The following TMED3 variants were observed in gnomAD, a reference collection of about 807,000 sequenced individuals.
TMED3 encodes transmembrane p24 trafficking protein 3.
A neutral mutation model predicts 15.0 loss-of-function variants in TMED3; 9 were observed. That is an observed-to-expected ratio of 0.60 (90% CI 0.36 to 1.04). The LOEUF (loss-of-function observed/expected upper bound fraction) is 1.04, where lower values mean the gene tolerates loss of function less well. Ranked by LOEUF, TMED3 falls within the 50% of genes least tolerant of loss-of-function variation. The probability of loss-of-function intolerance (pLI) is 0.01; values close to 1 mark genes in which losing one functional copy is unlikely to be tolerated. For missense variants in TMED3, 267 were observed against 278.9 expected (o/e 0.96, Z 0.30); for synonymous variants, 117 against 121.4 (o/e 0.96, Z 0.24).
chr15:79,353,185 A>T lies in TMED3; in HGVS notation c.417+39180A>T, dbSNP rs1173915589. On this transcript the variant is annotated intron_variant, in intron 2 of 2. Coordinates refer to the TMED3 transcript ENST00000424155. ...TAAATATATATACATAATATATAAA[A>T]TATATATAATATATAAAATATATAT... 7.5e-5 allele frequency among the ~76,000 whole-genome samples: 5 copies of T among 66,646 alleles called. No homozygotes were observed. In the Admixed American group the frequency reaches 1.1e-3, roughly 14 times the overall value. The allele number at this position is 66,646 out of a possible 152,430, so 43.7% of individuals were successfully genotyped here.
Position 79,311,288 on chromosome 15 carries a change from T to TCTGCTG in TMED3, c.45_50dup (p.Leu17_Leu18dup). On this transcript the variant is annotated inframe_insertion, in exon 1 of 3. Transcript: ENST00000299705. ...TCCCGCGCTCCGCCTCCGTGCTGCT[T>TCTGCTG]CTGCTGCTGCTCCTGCGCCGGGCCG... 6.2e-7 allele frequency: 1 copy of TCTGCTG among 1,607,842 alleles called. No homozygotes were observed. Among genetic ancestry groups the TCTGCTG allele is most frequent in the Non-Finnish European group, 8.5e-7 (1 of 1,178,128 alleles).
chr15:79,344,806 G>C (rs1418962526), intron 2 of TMED3, among the ~76,000 whole-genome samples: 1 of 152,150 alleles, frequency 6.6e-6, no homozygotes, highest in African/African-American at 2.4e-5. Flanking sequence ...CGAAACATTG[G>C]AGGCAAAGAC....
chr15:79,397,131 AACTC>A (rs2141255951), intron 2 of TMED3, among the ~76,000 whole-genome samples: 1 of 152,254 alleles, frequency 6.6e-6, no homozygotes, highest in East Asian at 1.9e-4. Flanking sequence ...AGCACCTCTC[AACTC>A]ACTCATTTCT....
At chr15:79,353,270 A>G (rs1402040652) in intron 2 of TMED3, among the ~76,000 whole-genome samples, 2 of 62,302 alleles carry the variant, frequency 3.2e-5, no homozygotes, top group Non-Finnish European at 5.4e-5. Flanking sequence ...TATTATATAT[A>G]ATATATATAA....
intron 2 of TMED3, among the ~76,000 whole-genome samples, chr15:79,345,483 T>C (rs1326821488): frequency 6.6e-6 from 1 of 152,216 alleles, no homozygotes; most frequent in Non-Finnish European, 1.5e-5. Flanking sequence ...ATGATCTTGT[T>C]CTTTTTCTGG....
intron 2 of TMED3, among the ~76,000 whole-genome samples, chr15:79,316,796 G>A (rs1019803187): frequency 5.9e-5 from 9 of 152,148 alleles, no homozygotes; most frequent in African/African-American, 2.2e-4. Flanking sequence ...GAGGAGACCT[G>A]GGGACTCGTG....
chr15:79,333,156 T>G (rs2058815630), intron 2 of TMED3, among the ~76,000 whole-genome samples: 1 of 152,232 alleles, frequency 6.6e-6, no homozygotes, highest in African/African-American at 2.4e-5. Flanking sequence ...GTGCTAGGAC[T>G]TTACCTGGTA....
intron 2 of TMED3, among the ~76,000 whole-genome samples, chr15:79,391,622 T>G (rs1893695875): frequency 1.3e-5 from 2 of 152,206 alleles, no homozygotes; most frequent in Admixed American, 6.5e-5. Flanking sequence ...CCATTGTTTC[T>G]TTGTTGACTT....
intron 2 of TMED3, among the ~76,000 whole-genome samples, chr15:79,362,651 G>C (rs567445631): frequency 2.6e-4 from 40 of 152,290 alleles, no homozygotes; most frequent in Non-Finnish European, 5.0e-4. Context: ...CATGGGGGCA[G>C]GTTTTTCCTG....
chr15:79,343,032 G>T (rs184244557), intron 2 of TMED3, among the ~76,000 whole-genome samples: 160 of 152,270 alleles, frequency 1.1e-3, no homozygotes, highest in Non-Finnish European at 1.8e-3. Context: ...GGACATTTCA[G>T]CTAGGAGAAA....
downstream of TMED3, among the ~76,000 whole-genome samples, chr15:79,327,260 C>A (rs2058790784): frequency 6.6e-6 from 1 of 152,190 alleles, no homozygotes; most frequent in African/African-American, 2.4e-5. Context: ...GAGAAGACAG[C>A]CATTTATGAA....
At chr15:79,397,545 A>G (rs1332918433) in intron 2 of TMED3, among the ~76,000 whole-genome samples, 1 of 152,226 alleles carries the variant, frequency 6.6e-6, no homozygotes, top group Non-Finnish European at 1.5e-5. Context: ...GTGCAAGCCA[A>G]TCTTTGATGA....
intron 2 of TMED3, among the ~76,000 whole-genome samples, chr15:79,380,481 ATATAGT>A (rs911965973): frequency 6.8e-5 from 10 of 147,548 alleles, no homozygotes; most frequent in African/African-American, 2.0e-4. Context: ...ATATAGTTAT[ATATAGT>A]TATAGTTATA....
At chr15:79,363,827 G>A (rs762339709) in intron 2 of TMED3, among the ~76,000 whole-genome samples, 1 of 152,160 alleles carries the variant, frequency 6.6e-6, no homozygotes, top group Non-Finnish European at 1.5e-5. Context: ...CACTGACACC[G>A]GGATCGCAGC....
intron 2 of TMED3, among the ~76,000 whole-genome samples, chr15:79,395,863 A>T (rs112070569): frequency 2.9e-4 from 44 of 152,330 alleles, no homozygotes; most frequent in African/African-American, 9.4e-4. Context: ...CCTAATTGAT[A>T]CTATGGCAAA....
At chr15:79,397,648 T>C (rs878980538) in intron 2 of TMED3, among the ~76,000 whole-genome samples, 1 of 152,226 alleles carries the variant, frequency 6.6e-6, no homozygotes, top group Admixed American at 6.5e-5. Context: ...TGCTTTGCAA[T>C]TTGCTTCAGC....
At chr15:79,314,043 C>G (rs399635) in intron 2 of TMED3, 38 bp downstream of exon 2, 29 of 1,606,698 alleles carry the variant, frequency 1.8e-5, no homozygotes, top group Non-Finnish European at 2.4e-5. Context: ...GCTGAACCCC[C>G]TAGCGTGTTC....
chr15:79,391,876 GTT>G (rs2141253902), intron 2 of TMED3, among the ~76,000 whole-genome samples: 1 of 152,272 alleles, frequency 6.6e-6, no homozygotes, highest in African/African-American at 2.4e-5. Context: ...TTTAAGGTTT[GTT>G]TTGTCTGTTG....
At chr15:79,327,527 C>A (rs941808534), downstream of TMED3, among the ~76,000 whole-genome samples, 1 of 152,198 alleles carries the variant, frequency 6.6e-6, no homozygotes, top group Non-Finnish European at 1.5e-5. Context: ...TACAAATGTT[C>A]GAGCACAGAG....
Sources: allele counts gnomAD v4.1 joint callset (sites outside exome capture counted in the v4.1 genomes callset), GRCh38; gene constraint gnomAD v4.1.1; transcripts MANE v1.5; gene names NCBI Gene and HGNC (gene_info 2026-07-23, HGNC 2026-07-21).